COQ3: variants seen among roughly 807,000 people sequenced by gnomAD.
COQ3 encodes the protein coenzyme Q3, methyltransferase, also known as ubiquinone biosynthesis O-methyltransferase, mitochondrial.
A neutral mutation model predicts 33.1 loss-of-function variants in COQ3; 29 were observed. The observed-to-expected ratio is 0.88, with a 90% CI of 0.65 to 1.19. COQ3 has a LOEUF of 1.19. Among genes scored for constraint, COQ3 ranks in the 50% most tolerant of loss-of-function variants. The pLI is 0.00. For missense variants in COQ3, 437 were observed against 430.7 expected (o/e 1.01, Z -0.13); for synonymous variants, 173 against 157.8 (o/e 1.10, Z -0.72).
intron 1 of COQ3, among the ~76,000 whole-genome samples, chr6:99,388,893 A>ACG (rs1774737317): frequency 1.0e-3 from 7 of 6,832 alleles, no homozygotes; most frequent in East Asian, 6.5e-3. Context: ...GTATACACGC[A>ACG]CACACACACA....
intron 1 of COQ3, among the ~76,000 whole-genome samples, chr6:99,389,045 T>A (rs1774747860): frequency 6.6e-6 from 1 of 152,110 alleles, no homozygotes; most frequent in Non-Finnish European, 1.5e-5. Flanking sequence ...GCTTCAACAA[T>A]GTACTATGGA....
At chr6:99,382,158 G>A (rs906130109) in intron 2 of COQ3, among the ~76,000 whole-genome samples, 4 of 152,100 alleles carry the variant, frequency 2.6e-5, no homozygotes, top group Non-Finnish European at 5.9e-5. Context: ...CTGGAACATG[G>A]TGCTCAGGAA....
intron 1 of COQ3, among the ~76,000 whole-genome samples, chr6:99,388,933 A>ACACC (rs1554209032): frequency 3.3e-3 from 173 of 52,424 alleles, no homozygotes; most frequent in East Asian, 0.021. Context: ...ACACACACAC[A>ACACC]CCCACATCCT....
In COQ3 at chr6:99,380,184, G is replaced by A. The variant is rs1047220123; in HGVS notation, c.386+5C>T. On this transcript the variant is annotated splice_donor_5th_base_variant and intron_variant, in intron 3 of 6. Coordinates refer to ENST00000254759, the MANE Select transcript of COQ3 (RefSeq NM_017421.4). Reference sequence around the variant, plus strand: ...TAAAAAGACTTAGAGTTTCTGGAGTGTTACCTAATAAATGGCACCCTCAGG... The same window carrying A: ...TAAAAAGACTTAGAGTTTCTGGAGTATTACCTAATAAATGGCACCCTCAGG... The A allele has an allele frequency of 1.9e-6, 3 of 1,611,824 alleles. No individual in the cohort carries two copies. The African/African-American group carries it at 4.0e-5, about 22-fold the overall frequency.
intron 1 of COQ3, among the ~76,000 whole-genome samples, chr6:99,391,741 G>A (rs1305776842): frequency 6.6e-6 from 1 of 152,144 alleles, no homozygotes; most frequent in African/African-American, 2.4e-5. Flanking sequence ...CTCAATGCCT[G>A]TAATCCCATC....
At chr6:99,390,334 C>A (rs10428800) in intron 1 of COQ3, among the ~76,000 whole-genome samples, 17 of 107,290 alleles carry the variant, frequency 1.6e-4, no homozygotes, top group African/African-American at 5.7e-4. Context: ...CAATGTTAAA[C>A]TTTTTTTTTT....
intron 1 of COQ3, among the ~76,000 whole-genome samples, chr6:99,390,539 A>G (rs912890994): frequency 2.6e-5 from 4 of 152,096 alleles, no homozygotes; most frequent in African/African-American, 7.2e-5. Flanking sequence ...TCACCGTGTT[A>G]GCCAGGATGG....
chr6:99,392,295 C>T (rs566011047), intron 1 of COQ3, among the ~76,000 whole-genome samples: 37 of 152,316 alleles, frequency 2.4e-4, no homozygotes, highest in African/African-American at 8.9e-4. Context: ...TGATAATTTA[C>T]TGTCTGGATT....
At chr6:99,379,045 AGGGT>A (rs1183938093) in intron 3 of COQ3, among the ~76,000 whole-genome samples, 7 of 148,320 alleles carry the variant, frequency 4.7e-5, no homozygotes, top group Non-Finnish European at 1.0e-4. Context: ...TTTAAGTTTT[AGGGT>A]ACATGTGCAC....
At chr6:99,391,863 G>A (rs1774841684) in intron 1 of COQ3, among the ~76,000 whole-genome samples, 1 of 152,126 alleles carries the variant, frequency 6.6e-6, no homozygotes, top group South Asian at 2.1e-4. Context: ...GCCATGCATT[G>A]TGGTGCCTGC....
Position 99,371,542 on chromosome 6 carries a change from A to T in COQ3, c.775T>A (p.Ser259Thr), listed in dbSNP as rs546963201. Residue 259 changes from serine to threonine, a missense_variant, in exon 6 of 7, where the codon TCC becomes ACC. Transcript: ENST00000254759. Reference sequence around the variant, plus strand: ...GAAAAAACAATTCCCAAGGCATAGGAAAGTTGTGTTTTGTTGATTGTAGTA... The same window carrying T: ...GAAAAAACAATTCCCAAGGCATAGGTAAGTTGTGTTTTGTTGATTGTAGTA... ...FITTINKTQL[S>T]YALGIVFSEQ... 1 of 1,607,358 alleles carries T rather than the reference A, an allele frequency of 6.2e-7. No homozygotes were observed. The highest frequency in any genetic ancestry group is 2.2e-5 in the East Asian group (1 of 44,558).
intron 3 of COQ3, among the ~76,000 whole-genome samples, chr6:99,379,105 G>A (rs1774394116): frequency 6.6e-6 from 1 of 151,806 alleles, no homozygotes; most frequent in African/African-American, 2.4e-5. Flanking sequence ...ATGTTGGTGT[G>A]CTGCACCCAT....
At chr6:99,374,543 T>A (rs1389873340) in intron 5 of COQ3, among the ~76,000 whole-genome samples, 1 of 152,234 alleles carries the variant, frequency 6.6e-6, no homozygotes, top group African/African-American at 2.4e-5. Flanking sequence ...GACCTTAGGA[T>A]GTCACCTCCT....
At position 99,383,770 on chromosome 6, in the gene COQ3, T is replaced by C. The variant is rs369360291; in HGVS notation, c.161A>G (p.Asn54Ser). 3 of 1,601,612 alleles carry C rather than the reference T, an allele frequency of 1.9e-6. No homozygotes were observed. The African/African-American group carries it at 4.0e-5, about 22-fold the overall frequency. Residue 54 changes from asparagine (N) to serine (S), a missense_variant, in exon 2 of 7, where the codon AAT becomes AGT. Coordinates refer to ENST00000254759, the MANE Select transcript of COQ3 (RefSeq NM_017421.4). ...GTLQIKPGVF[N>S]EYRTIWFKSY... ...TTTGAACCATATGGTTCTGTATTCA[T>C]TGAAAACCCCTGGTTTAATCTGTAG...
At chr6:99,372,128 C>A (rs543955382) in intron 5 of COQ3, among the ~76,000 whole-genome samples, 1 of 152,074 alleles carries the variant, frequency 6.6e-6, no homozygotes, top group South Asian at 2.1e-4. Flanking sequence ...AGTGGCCGGC[C>A]GTGGTGACTT....
chr6:99,369,727 G>C lies in COQ3; in HGVS notation c.983C>G (p.Ala328Gly). The C allele has an allele frequency of 6.2e-7, 1 of 1,613,114 alleles. No homozygotes were observed. Among genetic ancestry groups the C allele is most frequent in the Non-Finnish European group, 8.5e-7 (1 of 1,179,346 alleles). The change falls in exon 7 of 7, where the codon GCT becomes GGT. Residue 328 changes from alanine to glycine, a missense_variant. Physicochemically the swap from Ala to Gly is moderately conservative, Grantham distance 60. Coordinates refer to ENST00000254759, the MANE Select transcript of COQ3 (RefSeq NM_017421.4). ...WSENTSLNYA[A>G]YAVKSRVQEH... ...CTGGACCCTGGATTTCACAGCATAAGCTGCATAGTTAAGGCTGGTATTTTC... is the reference window on the plus strand; with the variant it reads ...CTGGACCCTGGATTTCACAGCATAACCTGCATAGTTAAGGCTGGTATTTTC...
At chr6:99,371,379 A>G (rs900349074) in intron 6 of COQ3, 49 bp downstream of exon 6, 2 of 1,301,890 alleles carry the variant, frequency 1.5e-6, no homozygotes, top group Non-Finnish European at 1.1e-6. Flanking sequence ...TGGCATATTA[A>G]AAGTTCAGCT....
At chr6:99,376,750 C>A (rs930070124) in intron 4 of COQ3, among the ~76,000 whole-genome samples, 1 of 151,912 alleles carries the variant, frequency 6.6e-6, no homozygotes, top group African/African-American at 2.4e-5. Context: ...GTGGGTGAAT[C>A]ACCTGAGGTC....
chr6:99,389,041 A>C (rs569775532), intron 1 of COQ3, among the ~76,000 whole-genome samples: 1 of 152,138 alleles, frequency 6.6e-6, no homozygotes, highest in Non-Finnish European at 1.5e-5. Flanking sequence ...CCTGGCTTCA[A>C]CAATGTACTA....
Sources: gnomAD v4.1 joint callset for allele counts (sites outside exome capture counted in the v4.1 genomes callset) on GRCh38, gnomAD v4.1.1 for gene constraint, MANE v1.5 for transcripts, NCBI Gene and HGNC (gene_info 2026-07-23, HGNC 2026-07-21) for gene names.